Variants in AMELX observed in about 807,000 individuals in gnomAD.
AMELX encodes the protein amelogenin X-linked, also known as amelogenin, X isoform.
AMELX carries 9 observed loss-of-function variants against 15.8 expected under a neutral mutation model. The ratio of observed to expected loss-of-function variants is 0.57; its 90% CI spans 0.34 to 0.99. The LOEUF is 0.99. AMELX is among the 50% of genes least tolerant of loss of function. The probability of loss-of-function intolerance (pLI) is 0.02; values close to 1 mark genes in which losing one functional copy is unlikely to be tolerated. For synonymous variants in AMELX, 61 were observed against 58.8 expected (o/e 1.04, Z -0.17); for missense variants, 107 against 156.2 (o/e 0.68, Z 1.68).
the AMELX span, among the ~76,000 whole-genome samples, chrX:11,309,435 T>G: frequency 8.2e-5 from 9 of 110,228 alleles, no homozygotes; most frequent in African/African-American, 3.0e-4. Flanking sequence ...CTAGAGGATC[T>G]CGGAGGGAGA....
At chrX:11,300,264 A>T (rs992047905) in intron 5 of AMELX, among the ~76,000 whole-genome samples, 1 of 112,043 alleles carries the variant, frequency 8.9e-6, no homozygotes, top group Non-Finnish European at 1.9e-5. Flanking sequence ...TTTGTGTAAA[A>T]TTTGAGTATA....
At chrX:11,296,443 C>T (rs1292558974) in intron 2 of AMELX, among the ~76,000 whole-genome samples, 1 of 111,088 alleles carries the variant, frequency 9.0e-6, no homozygotes, top group Non-Finnish European at 1.9e-5. Flanking sequence ...AAACACTGGG[C>T]GTGGGGGTGG....
At chrX:11,300,832 C>A (rs956476459), downstream of AMELX, 110 of 369,129 alleles carry the variant, frequency 3.0e-4, no homozygotes, top group Non-Finnish European at 4.1e-4. Flanking sequence ...AATGAGTATT[C>A]TTGAATCAGG....
At chrX:11,303,888 AT>A (rs1201571471), downstream of AMELX, among the ~76,000 whole-genome samples, 2 of 111,711 alleles carry the variant, frequency 1.8e-5, no homozygotes, top group Admixed American at 1.9e-4. Context: ...ATGTACTAAT[AT>A]CATGCTCTGC....
At chrX:11,305,518 G>A (rs2048229338), downstream of AMELX, among the ~76,000 whole-genome samples, 1 of 112,311 alleles carries the variant, frequency 8.9e-6, no homozygotes, top group Non-Finnish European at 1.9e-5. Context: ...AATTGTTCCT[G>A]CTTGTTTGAC....
the AMELX span, among the ~76,000 whole-genome samples, chrX:11,307,148 C>A: frequency 9.0e-6 from 1 of 111,014 alleles, no homozygotes; most frequent in Non-Finnish European, 1.9e-5. Flanking sequence ...ATGAAATAAT[C>A]ATGTGTTTTA....
At chrX:11,305,691 G>C, downstream of AMELX, among the ~76,000 whole-genome samples, 1 of 112,163 alleles carries the variant, frequency 8.9e-6, no homozygotes, top group South Asian at 3.7e-4. Context: ...GTTCTGTTCT[G>C]AGATTTGCTT....
At chrX:11,301,740 G>A (rs1018152408), downstream of AMELX, among the ~76,000 whole-genome samples, 1 of 112,195 alleles carries the variant, frequency 8.9e-6, no homozygotes, top group Admixed American at 9.5e-5. Context: ...ACTATTCCAT[G>A]TGCTGGTGAA....
chrX:11,294,153 G>A lies in AMELX; in HGVS notation c.-12-624G>A, dbSNP rs750389899. ...TTCATTGAAGAATCACATAAAATTC[G>A]TACCATCCTCTCCTGTTGGTTCAGC... is the stretch of plus-strand genomic sequence containing the variant. On this transcript the variant is annotated intron_variant, in intron 1 of 5. Transcript: ENST00000380714. Among the ~76,000 whole-genome samples the A allele has an allele frequency of 6.2e-5, 7 of 112,379 alleles. No homozygotes were observed. The South Asian group carries it at 1.1e-3, about 18-fold the overall frequency.
intron 3 of AMELX, among the ~76,000 whole-genome samples, chrX:11,297,519 G>T (rs2048106723): frequency 8.9e-6 from 1 of 112,282 alleles, no homozygotes; most frequent in African/African-American, 3.2e-5. Flanking sequence ...CAAGGTTACT[G>T]ATTATTTTTT....
intron 5 of AMELX, among the ~76,000 whole-genome samples, chrX:11,300,404 G>A (rs2048155912): frequency 9.0e-6 from 1 of 111,594 alleles, no homozygotes; most frequent in Non-Finnish European, 1.9e-5. Context: ...TAGGCTTTAA[G>A]TGTCCTGAAG....
chrX:11,304,720 G>C (rs1273607513), downstream of AMELX, among the ~76,000 whole-genome samples: 2 of 106,431 alleles, frequency 1.9e-5, no homozygotes, highest in African/African-American at 6.9e-5. Context: ...TGTCACTCTG[G>C]CATTGGCACA....
downstream of AMELX, among the ~76,000 whole-genome samples, chrX:11,304,827 G>A (rs1368698084): frequency 2.7e-5 from 2 of 74,581 alleles, no homozygotes; most frequent in East Asian, 4.2e-4. Context: ...TCGCTCTGTC[G>A]CCAGGCTGGA....
downstream of AMELX, among the ~76,000 whole-genome samples, chrX:11,301,836 G>A (rs1483420179): frequency 2.7e-5 from 3 of 111,755 alleles, no homozygotes; most frequent in African/African-American, 9.8e-5. Flanking sequence ...AGGCCAAATG[G>A]TATTAATACT....
the AMELX span, among the ~76,000 whole-genome samples, chrX:11,305,902 G>A: frequency 8.9e-6 from 1 of 112,112 alleles, no homozygotes; most frequent in South Asian, 3.7e-4. Context: ...TGTAAGGAGA[G>A]AAGATGATTA....
chrX:11,298,769 C>T lies in AMELX; in HGVS notation c.366C>T (p.Pro122=), dbSNP rs147013110. ...ACCACCAGCCAAACCTCCCTCCGCCCGCCCAGCAGCCCTACCAGCCCCAGC... is the reference window on the plus strand; with the variant it reads ...ACCACCAGCCAAACCTCCCTCCGCCTGCCCAGCAGCCCTACCAGCCCCAGC... ...IQHHQPNLPP[P]AQQPYQPQPV... is the part of the protein sequence containing the mutation. Residue 122 remains proline (P), a synonymous_variant, in exon 5 of 6, where the codon CCC becomes CCT. Transcript: ENST00000380714. 316 of 1,208,785 alleles carry T rather than the reference C, an allele frequency of 2.6e-4. No individual in the cohort carries two copies. In the African/African-American group the frequency reaches 4.3e-3, roughly 17 times the overall value.
At chrX:11,296,744 C>A in intron 2 of AMELX, 35 bp from the exon 3 acceptor site, 1 of 1,173,739 alleles carries the variant, frequency 8.5e-7, no homozygotes, top group Non-Finnish European at 1.2e-6. Context: ...CCCTTCCTCT[C>A]TCTTTCTATT....
downstream of AMELX, among the ~76,000 whole-genome samples, chrX:11,301,717 T>A (rs867004694): frequency 8.9e-6 from 1 of 112,112 alleles, no homozygotes; most frequent in Middle Eastern, 4.6e-3. Context: ...TTAAGCACAC[T>A]CTAGGGCAAG....
At chrX:11,296,504 C>T (rs1398716174) in intron 2 of AMELX, among the ~76,000 whole-genome samples, 4 of 111,711 alleles carry the variant, frequency 3.6e-5, no homozygotes, top group Non-Finnish European at 7.5e-5. Context: ...TTTCTGCTTC[C>T]AGGTCTCCAG....
Sources: allele counts gnomAD v4.1 joint callset (sites outside exome capture counted in the v4.1 genomes callset), GRCh38; gene constraint gnomAD v4.1.1; transcripts MANE v1.5; gene names NCBI Gene and HGNC (gene_info 2026-07-23, HGNC 2026-07-21).